The following SMG9 variants were observed in gnomAD, a reference collection of about 807,000 sequenced individuals.
SMG9 encodes nonsense-mediated mRNA decay factor SMG9.
Under a neutral mutation model 64.0 loss-of-function variants are expected in SMG9, and 55 were observed. The observed-to-expected ratio is 0.86, with a 90% CI of 0.69 to 1.08. The LOEUF is 1.08. Ranked by LOEUF, SMG9 falls within the 50% of genes least tolerant of loss-of-function variation. The pLI is 0.00. For missense variants in SMG9, 554 were observed against 681.3 expected (o/e 0.81, Z 2.08); for synonymous variants, 244 against 254.8 (o/e 0.96, Z 0.41).
Position 43,734,393 on chromosome 19 carries a change from G to T in SMG9, c.1098C>A (p.His366Gln), listed in dbSNP as rs147495005. The T allele has an allele frequency of 5.8e-6, 9 of 1,552,932 alleles. No individual in the cohort carries two copies. Among genetic ancestry groups the T allele is most frequent in the African/African-American group, 1.4e-5 (1 of 73,194 alleles). Reference protein sequence around the residue: ...GSDEGTEYYPHLVFLQNKARR... With the variant: ...GSDEGTEYYPQLVFLQNKARR... Reference sequence around the variant, plus strand: ...AGTCCCCAGAAAGCCTCTCACCTAGGTGGGGGTAGTACTCGGTGCCTTCAT... The same window carrying T: ...AGTCCCCAGAAAGCCTCTCACCTAGTTGGGGGTAGTACTCGGTGCCTTCAT... Residue 366 changes from histidine to glutamine, a missense_variant, in exon 10 of 14, where the codon CAC (histidine) becomes CAA (glutamine). By Grantham distance (24) the His-to-Gln change is conservative. Transcript: ENST00000270066.
At chr19:43,733,046 G>C (rs373731020) in intron 12 of SMG9, 44 bp from the exon 13 acceptor site, 11 of 1,559,760 alleles carry the variant, frequency 7.1e-6, no homozygotes, top group Middle Eastern at 1.8e-4. Context: ...AGACTGCCAG[G>C]GTCTTTCTCC....
At position 43,732,858 on chromosome 19, in the gene SMG9, C is replaced by A. The variant is rs1260173173; in HGVS notation, c.1484G>T (p.Trp495Leu). Residue 495 changes from tryptophan to leucine, a missense_variant and splice_region_variant, in exon 13 of 14, where the codon TGG becomes TTG. Physicochemically the swap from Trp to Leu is moderately conservative, Grantham distance 61. Coordinates refer to ENST00000270066, the MANE Select transcript of SMG9 (RefSeq NM_019108.4). The part of the protein sequence containing the change: ...LSHTILTEKN[W>L]FHYAARIWDG... ...GACCCCCTCTGCAAAGAGCTCTTACCAGTTCTTCTCGGTGAGGATCGTGTG... is the reference window on the plus strand; with the variant it reads ...GACCCCCTCTGCAAAGAGCTCTTACAAGTTCTTCTCGGTGAGGATCGTGTG... 5 of 1,613,704 alleles carry A rather than the reference C, an allele frequency of 3.1e-6. No individual in the cohort carries two copies. The African/African-American group carries it at 5.3e-5, about 17-fold the overall frequency.
rs975292406 is a variant in SMG9 at position 43,754,849 on chromosome 19, A to G, written c.-202T>C. On this transcript the variant is annotated 5_prime_UTR_variant, in exon 1 of 14. Coordinates refer to ENST00000270066, the MANE Select transcript of SMG9 (RefSeq NM_019108.4). ...CGTCCGGGTTGCAGCCCCTAAGGAAAGCTGGGCCGAAGGAAGAAGAGGAGG... is the reference window on the plus strand; with the variant it reads ...CGTCCGGGTTGCAGCCCCTAAGGAAGGCTGGGCCGAAGGAAGAAGAGGAGG... 2 of 152,368 alleles carry G rather than the reference A, an allele frequency of 1.3e-5. No individual in the cohort carries two copies. Among genetic ancestry groups the G allele is most frequent in the African/African-American group, 4.8e-5 (2 of 41,452 alleles). 9.4% of individuals were successfully genotyped at this position (152,368 alleles called of 1,614,324 possible). A position where few individuals can be genotyped will look rare whatever the true frequency, so the allele number is the denominator to read the frequency against.
At chr19:43,734,986 G>C (rs1968609938) in intron 9 of SMG9, among the ~76,000 whole-genome samples, 1 of 152,138 alleles carries the variant, frequency 6.6e-6, no homozygotes, top group Non-Finnish European at 1.5e-5. Context: ...TGCCATTATA[G>C]CATCACAGAG....
rs941343821 is a variant in SMG9, at chr19:43,730,912, T to G, written c.*684A>C. On this transcript the variant is annotated 3_prime_UTR_variant, in exon 14 of 14. Transcript: ENST00000270066. ...GGCATTTAACCCAAAGGCAGGTAACTGTCTTTAAGTGAGAGCAGAAGACAC... is the reference window on the plus strand; with the variant it reads ...GGCATTTAACCCAAAGGCAGGTAACGGTCTTTAAGTGAGAGCAGAAGACAC... 6.3e-6 allele frequency: 1 copy of G among 158,702 alleles called. No individual in the cohort carries two copies. Among genetic ancestry groups the G allele is most frequent in the African/African-American group, 2.4e-5 (1 of 41,532 alleles). 9.8% of individuals were successfully genotyped at this position (158,702 alleles called of 1,614,324 possible). A position where few individuals can be genotyped will look rare whatever the true frequency, so the allele number is the denominator to read the frequency against.
chr19:43,744,002 A>T (rs1968922979), intron 6 of SMG9, among the ~76,000 whole-genome samples: 1 of 152,134 alleles, frequency 6.6e-6, no homozygotes, highest in Non-Finnish European at 1.5e-5. Context: ...TCCCTTAATG[A>T]GATGTGTATC....
chr19:43,753,919 G>GA (rs775764832), intron 1 of SMG9, among the ~76,000 whole-genome samples: 231 of 111,330 alleles, frequency 2.1e-3, no homozygotes, highest in Middle Eastern at 4.1e-3. Flanking sequence ...TTGTCTCAAA[G>GA]AAAAAAAAAA....
intron 13 of SMG9, 44 bp from the exon 14 acceptor site, chr19:43,731,718 C>G: frequency 6.2e-7 from 1 of 1,613,476 alleles, no homozygotes; most frequent in Non-Finnish European, 8.5e-7. Context: ...CGGGGCTCCC[C>G]CCAGCCCAGC....
Position 43,747,859 on chromosome 19 carries a change from C to A in SMG9, c.264G>T (p.Pro88=). ...QPPPPTAPAA[P]PAPAPLEKPI... ...GCTTCTCCAGAGGGGCTGGAGCAGG[C>A]GGGGCAGCAGGGGCTGTTGGAGGTG... Residue 88 remains proline, a synonymous_variant, in exon 4 of 14, where the codon CCG becomes CCT. Transcript: ENST00000270066. 6.2e-7 allele frequency: 1 copy of A among 1,607,114 alleles called. No individual in the cohort carries two copies. Among genetic ancestry groups the A allele is most frequent in the East Asian group, 2.2e-5 (1 of 44,834 alleles).
At chr19:43,734,925 C>G in intron 9 of SMG9, 1 of 159,242 alleles carries the variant, frequency 6.3e-6, no homozygotes, top group Admixed American at 6.1e-5. Context: ...AGGGATCACT[C>G]TTGGTGCTGT....
rs187895842 is a variant in SMG9 at position 43,745,768 on chromosome 19, G to A, written c.589-884C>T. Among the ~76,000 whole-genome samples, 42 of 152,242 alleles carry A rather than the reference G, an allele frequency of 2.8e-4. No homozygotes were observed. In the East Asian group the frequency reaches 7.3e-3, roughly 27 times the overall value. ...TTTAATCCCAGCACTTTGGGAGGCC[G>A]AGGCAGGCGGATCACCTGAGGTCGG... On this transcript the variant is annotated intron_variant, in intron 5 of 13. Transcript: ENST00000270066.
chr19:43,734,303 TCTCCC>T (rs1214803875), intron 10 of SMG9, 81 bp downstream of exon 10: 24 of 1,081,330 alleles, frequency 2.2e-5, no homozygotes, highest in African/African-American at 2.2e-4. Flanking sequence ...CCTTCCTCTC[TCTCCC>T]CTCTTCTCCA....
chr19:43,733,416 C>T lies in SMG9; in HGVS notation c.1247G>A (p.Gly416Glu), dbSNP rs754022608. The T allele has an allele frequency of 1.9e-6, 3 of 1,614,026 alleles. No homozygotes were observed. The highest frequency in any genetic ancestry group is 2.5e-6 in the Non-Finnish European group (3 of 1,180,026). ...LSMLQCNVFP[G>E]LPPDFLDSEV... ...AGAGTCCAGGAAGTCAGGTGGAAGC[C>T]CCGGGAAGACATTGCATTGTAACAT... Residue 416 changes from glycine (G) to glutamate (E), a missense_variant, in exon 12 of 14, where the codon GGG (glycine) becomes GAG (glutamate). Gly to Glu is a moderately conservative substitution (Grantham distance 98). Transcript: ENST00000270066.
In SMG9 at chr19:43,737,831, T is replaced by C. The variant is rs189269879; in HGVS notation, c.910-149A>G. Reference sequence around the variant, plus strand: ...GCCCAGCACTGTGATGGCACTTCCCTTACAGGCCATCCCTAACTCAGGAAA... The same window carrying C: ...GCCCAGCACTGTGATGGCACTTCCCCTACAGGCCATCCCTAACTCAGGAAA... On this transcript the variant is annotated intron_variant, in intron 8 of 13. Coordinates refer to ENST00000270066, the MANE Select transcript of SMG9 (RefSeq NM_019108.4). 200 of 722,632 alleles carry C rather than the reference T, an allele frequency of 2.8e-4. No homozygotes were observed. The East Asian group carries it at 5.2e-3, about 19-fold the overall frequency. The allele number at this position is 722,632 out of a possible 1,614,324, so 44.8% of individuals were successfully genotyped here. A position where few individuals can be genotyped will look rare whatever the true frequency, so the allele number is the denominator to read the frequency against.
intron 1 of SMG9, among the ~76,000 whole-genome samples, chr19:43,752,328 T>TCACA (rs772827189): frequency 6.6e-6 from 1 of 152,256 alleles, no homozygotes; most frequent in Non-Finnish European, 1.5e-5. Flanking sequence ...TCCCAGCTGT[T>TCACA]CACACATCAG....
At chr19:43,750,048 A>T (rs1263476567) in intron 2 of SMG9, 4 of 453,584 alleles carry the variant, frequency 8.8e-6, no homozygotes, top group Non-Finnish European at 1.8e-5. Context: ...CTCAGTAAAA[A>T]GAGTAACAGT....
chr19:43,731,745 T>A (rs972109329), intron 13 of SMG9, 71 bp from the exon 14 acceptor site: 1 of 1,589,942 alleles, frequency 6.3e-7, no homozygotes, highest in African/African-American at 1.3e-5. Flanking sequence ...CCGGGACAGG[T>A]GGAGAAACTG....
chr19:43,742,348 G>A (rs1242194312), intron 6 of SMG9, among the ~76,000 whole-genome samples: 1 of 152,106 alleles, frequency 6.6e-6, no homozygotes, highest in East Asian at 1.9e-4. Flanking sequence ...CAAGGTGGGA[G>A]GATGGCTTGG....
Position 43,754,751 on chromosome 19 carries a change from C to T in SMG9, c.-104G>A, listed in dbSNP as rs1343275463. 6.6e-6 allele frequency: 1 copy of T among 152,188 alleles called. No individual in the cohort carries two copies. Among genetic ancestry groups the T allele is most frequent in the African/African-American group, 2.4e-5 (1 of 41,434 alleles). 9.4% of individuals were successfully genotyped at this position (152,188 alleles called of 1,614,324 possible). Reference sequence around the variant, plus strand: ...GAGGCTGACCCAAGCCACCCGCCTGCAAATGGCGTCTGGGGGCCAGGAACG... The same window carrying T: ...GAGGCTGACCCAAGCCACCCGCCTGTAAATGGCGTCTGGGGGCCAGGAACG... On this transcript the variant is annotated 5_prime_UTR_variant, in exon 1 of 14. Transcript: ENST00000270066.
Sources: allele counts gnomAD v4.1 joint callset (sites outside exome capture counted in the v4.1 genomes callset), GRCh38; gene constraint gnomAD v4.1.1; transcripts MANE v1.5; gene names NCBI Gene and HGNC (gene_info 2026-07-23, HGNC 2026-07-21).